Variants in FSTL5 observed in about 807,000 individuals in gnomAD.
FSTL5 encodes the protein follistatin-related protein 5.
Under a neutral mutation model 89.1 loss-of-function variants are expected in FSTL5, and 62 were observed. The observed-to-expected ratio is 0.70, with a 90% CI of 0.57 to 0.86. The LOEUF (loss-of-function observed/expected upper bound fraction) is 0.86. Among genes scored for constraint, FSTL5 ranks in the 40% least tolerant of loss-of-function variants. The probability of loss-of-function intolerance (pLI) is 0.00; values close to 1 mark genes in which losing one functional copy is unlikely to be tolerated. For missense variants in FSTL5, 1,057 were observed against 1,001.6 expected (o/e 1.06, Z -0.75); for synonymous variants, 383 against 346.2 (o/e 1.11, Z -1.18).
chr4:161,781,535 T>C (rs1292225006), intron 4 of FSTL5, among the ~76,000 whole-genome samples: 1 of 152,118 alleles, frequency 6.6e-6, no homozygotes, highest in African/African-American at 2.4e-5. Context: ...TAGAACATAG[T>C]ACATTTAAAG....
chr4:161,749,906 T>C (rs1740337417), intron 6 of FSTL5, among the ~76,000 whole-genome samples: 1 of 151,974 alleles, frequency 6.6e-6, no homozygotes, highest in African/African-American at 2.4e-5. Context: ...ACTTATTTGG[T>C]AAAATCTTCC....
chr4:161,430,039 G>T (rs937617959), intron 15 of FSTL5, among the ~76,000 whole-genome samples: 71 of 152,102 alleles, frequency 4.7e-4, no homozygotes, highest in African/African-American at 1.6e-3. Context: ...TTAACAAAGA[G>T]ATTGAAATAA....
chr4:161,449,681 T>G (rs575727131), intron 15 of FSTL5, among the ~76,000 whole-genome samples: 1 of 152,120 alleles, frequency 6.6e-6, no homozygotes, highest in Non-Finnish European at 1.5e-5. Context: ...GGAGAAGAAA[T>G]GGGAAAGGAA....
intron 6 of FSTL5, among the ~76,000 whole-genome samples, chr4:161,672,470 T>C (rs111306687): frequency 7.2e-4 from 110 of 152,220 alleles, no homozygotes; most frequent in African/African-American, 2.6e-3. Context: ...TTTTTGCTTT[T>C]GTTTTTTTGT....
intron 4 of FSTL5, among the ~76,000 whole-genome samples, chr4:161,889,286 T>A (rs1732912056): frequency 6.6e-6 from 1 of 152,162 alleles, no homozygotes; most frequent in African/African-American, 2.4e-5. Flanking sequence ...TACTTGGATA[T>A]GGTTTGATTG....
At chr4:162,122,515 C>T (rs1290092651) in intron 1 of FSTL5, among the ~76,000 whole-genome samples, 3 of 152,030 alleles carry the variant, frequency 2.0e-5, no homozygotes, top group Non-Finnish European at 2.9e-5. Flanking sequence ...CTTAAAACTA[C>T]AAGTTTGTTA....
At chr4:162,046,248 A>C (rs567425942) in intron 2 of FSTL5, among the ~76,000 whole-genome samples, 1 of 152,280 alleles carries the variant, frequency 6.6e-6, no homozygotes, top group African/African-American at 2.4e-5. Context: ...AAAGACAAAT[A>C]GCTATTACTT....
intron 3 of FSTL5, among the ~76,000 whole-genome samples, chr4:162,017,421 A>T (rs907850568): frequency 2.0e-5 from 3 of 152,200 alleles, no homozygotes; most frequent in African/African-American, 7.2e-5. Context: ...ACATCATACT[A>T]AAATTATTAT....
intron 6 of FSTL5, among the ~76,000 whole-genome samples, chr4:161,674,510 C>T (rs1050609104): frequency 6.6e-6 from 1 of 152,074 alleles, no homozygotes; most frequent in African/African-American, 2.4e-5. Flanking sequence ...ATTTACATCC[C>T]TTCTTGGCAG....
In FSTL5 at chr4:161,614,781, C is replaced by T. The variant is rs1734779946; in HGVS notation, c.895-27206G>A. On this transcript the variant is annotated intron_variant, in intron 7 of 15. Coordinates refer to ENST00000306100, the MANE Select transcript of FSTL5 (RefSeq NM_020116.5). ...TTATTACTATATTCTAAACACTATA[C>T]AAAGCATTGTAATTAAAATAATTTT... 2.6e-5 allele frequency among the ~76,000 whole-genome samples: 4 copies of T among 152,076 alleles called. No individual in the cohort carries two copies. In the South Asian group the frequency reaches 8.3e-4, roughly 31 times the overall value.
At chr4:162,018,149 ATGCT>A (rs1261107748) in intron 3 of FSTL5, among the ~76,000 whole-genome samples, 7 of 151,998 alleles carry the variant, frequency 4.6e-5, no homozygotes, top group Admixed American at 2.6e-4. Context: ...TTCTCAGATA[ATGCT>A]TGTTTTTAAT....
chr4:162,114,490 TTC>T (rs1340804700), intron 1 of FSTL5, among the ~76,000 whole-genome samples: 3 of 150,998 alleles, frequency 2.0e-5, no homozygotes, highest in African/African-American at 7.3e-5. Context: ...CCCTCTCCTT[TTC>T]TCTCTCTCTT....
Position 161,848,727 on chromosome 4 carries a change from G to A in FSTL5, c.409+71677C>T, listed in dbSNP as rs1731455313. Among the ~76,000 whole-genome samples the A allele has an allele frequency of 3.9e-5, 6 of 152,158 alleles. No individual in the cohort carries two copies. The South Asian group carries it at 1.2e-3, about 32-fold the overall frequency. On this transcript the variant is annotated intron_variant, in intron 4 of 15. Coordinates refer to ENST00000306100, the MANE Select transcript of FSTL5 (RefSeq NM_020116.5). ...ACTCCATATCGTCGTCATTTGGGGA[G>A]TCAACCTGTTGTCGCTGCCTCTACT...
chr4:162,159,983 G>A (rs1025268076), intron 1 of FSTL5, among the ~76,000 whole-genome samples: 1 of 146,836 alleles, frequency 6.8e-6, no homozygotes, highest in African/African-American at 2.5e-5. Context: ...GTTATATATT[G>A]TATTACAGCT....
chr4:161,510,345 C>A, intron 11 of FSTL5, 53 bp downstream of exon 11: 2 of 1,099,214 alleles, frequency 1.8e-6, no homozygotes, highest in Non-Finnish European at 2.6e-6. Context: ...ATCAACAAAT[C>A]TAATAATAAT....
intron 4 of FSTL5, among the ~76,000 whole-genome samples, chr4:161,850,120 TATC>T (rs1436914686): frequency 1.3e-5 from 2 of 152,166 alleles, no homozygotes; most frequent in African/African-American, 4.8e-5. Flanking sequence ...AGGCTGTAAT[TATC>T]ATTATTTTGA....
intron 4 of FSTL5, among the ~76,000 whole-genome samples, chr4:161,815,890 T>A (rs1363561696): frequency 1.3e-5 from 2 of 152,160 alleles, no homozygotes; most frequent in East Asian, 1.9e-4. Flanking sequence ...TTAATTTGAA[T>A]AAGGATAAGT....
chr4:161,734,240 A>C (rs1739714436), intron 6 of FSTL5, among the ~76,000 whole-genome samples: 1 of 152,190 alleles, frequency 6.6e-6, no homozygotes, highest in Admixed American at 6.5e-5. Context: ...AGTAAAATTT[A>C]GATGCCAAAA....
intron 2 of FSTL5, among the ~76,000 whole-genome samples, chr4:162,063,779 C>A (rs913095629): frequency 6.6e-6 from 1 of 151,904 alleles, no homozygotes; most frequent in African/African-American, 2.4e-5. Flanking sequence ...TTCTTCAGGT[C>A]ATTTCCCTTG....
Sources: gnomAD v4.1 joint callset for allele counts (sites outside exome capture counted in the v4.1 genomes callset) on GRCh38, gnomAD v4.1.1 for gene constraint, MANE v1.5 for transcripts, NCBI Gene and HGNC (gene_info 2026-07-23, HGNC 2026-07-21) for gene names.